Variants in RYR3 observed in about 807,000 individuals in gnomAD.
RYR3 encodes ryanodine receptor 3.
A neutral mutation model predicts 584.3 loss-of-function variants in RYR3; 207 were observed. That is an observed-to-expected ratio of 0.35 (90% confidence interval 0.32 to 0.40). RYR3 has a LOEUF of 0.40. Among genes scored for constraint, RYR3 ranks in the 10% least tolerant of loss-of-function variants. The pLI, the probability that RYR3 is intolerant of heterozygous loss-of-function variation, is 1.00. For synonymous variants in RYR3, 2,416 were observed against 2,248.5 expected (o/e 1.07, Z -2.11); for missense variants, 5,616 against 6,089.2 (o/e 0.92, Z 2.59).
intron 27 of RYR3, among the ~76,000 whole-genome samples, chr15:33,638,377 A>C (rs569974256): frequency 6.6e-6 from 1 of 152,312 alleles, no homozygotes; most frequent in African/African-American, 2.4e-5. Flanking sequence ...CACATCTCCA[A>C]AGAAAGTCAT....
At chr15:33,815,754 G>C (rs931752660) in intron 74 of RYR3, 1 of 396,422 alleles carries the variant, frequency 2.5e-6, no homozygotes, top group East Asian at 3.6e-5. Flanking sequence ...CCAAACTAAA[G>C]GGCTAAAGGG....
At chr15:33,735,875 C>T (rs916572948) in intron 48 of RYR3, among the ~76,000 whole-genome samples, 25 of 152,232 alleles carry the variant, frequency 1.6e-4, no homozygotes, top group African/African-American at 5.8e-4. Context: ...CAGTTTCTCC[C>T]TCTGCAGAGT....
intron 38 of RYR3, among the ~76,000 whole-genome samples, chr15:33,687,370 C>G (rs1346239016): frequency 6.6e-6 from 1 of 152,174 alleles, no homozygotes; most frequent in Non-Finnish European, 1.5e-5. Context: ...TGTGAAGGAC[C>G]TCTTCAAGGA....
chr15:33,351,197 A>G (rs1242682083), intron 1 of RYR3, among the ~76,000 whole-genome samples: 2 of 152,230 alleles, frequency 1.3e-5, no homozygotes, highest in Non-Finnish European at 2.9e-5. Flanking sequence ...ACACTCTCCC[A>G]AGACTAAACC....
intron 1 of RYR3, among the ~76,000 whole-genome samples, chr15:33,345,633 T>G (rs1215136004): frequency 1.3e-5 from 2 of 152,154 alleles, no homozygotes; most frequent in Non-Finnish European, 2.9e-5. Context: ...AGTACAGACT[T>G]TGTATTCTGG....
chr15:33,785,583 G>A, intron 65 of RYR3, 79 bp from the exon 66 acceptor site: 1 of 1,176,904 alleles, frequency 8.5e-7, no homozygotes, highest in Non-Finnish European at 1.2e-6. Flanking sequence ...AAGACCAAAG[G>A]AAAGGAGGGG....
chr15:33,530,710 A>G, intron 4 of RYR3, 44 bp downstream of exon 4: 2 of 1,417,122 alleles, frequency 1.4e-6, no homozygotes, highest in Non-Finnish European at 2.0e-6. Context: ...AGGAGAAGGA[A>G]AAACTGAAGA....
At chr15:33,370,278 A>G (rs1307519178) in intron 1 of RYR3, among the ~76,000 whole-genome samples, 1 of 152,046 alleles carries the variant, frequency 6.6e-6, no homozygotes, top group African/African-American at 2.4e-5. Flanking sequence ...TCCTCTACAC[A>G]CTCTGACACG....
At chr15:33,682,980 C>T (rs1368727090) in intron 38 of RYR3, among the ~76,000 whole-genome samples, 3 of 145,870 alleles carry the variant, frequency 2.1e-5, no homozygotes, top group Non-Finnish European at 4.5e-5. Flanking sequence ...GATGGCTGTC[C>T]CACTTTGAGA....
At position 33,662,235 on chromosome 15, in the gene RYR3, T is replaced by A; in HGVS notation, c.4705T>A (p.Cys1569Ser). 6.2e-7 allele frequency: 1 copy of A among 1,609,386 alleles called. No individual in the cohort carries two copies. Among genetic ancestry groups the A allele is most frequent in the Non-Finnish European group, 8.5e-7 (1 of 1,178,140 alleles). ...CACGCTGAGGCTCTACAGCGCGGTG[T>A]GCGCCCTGGGAAACAGCCGCGTGGC... ...YHTLRLYSAVCALGNSRVAYA... is the reference protein window; with the variant it reads ...YHTLRLYSAVSALGNSRVAYA... Residue 1569 changes from cysteine to serine, a missense_variant, in exon 35 of 104, where the codon TGC becomes AGC. By Grantham distance (112) the Cys-to-Ser change is moderately radical. Around this residue, in one of 9 missense-constraint regions of RYR3, gnomAD observed 753 missense variants for 741.0 expected, o/e 1.02. Transcript: ENST00000634891.
At position 33,865,235 on chromosome 15, in the gene RYR3, C is replaced by CAATCAAAG. The variant is rs1567374835; in HGVS notation, c.*11_*12insTCAAAGAA. 6 of 1,600,554 alleles carry CAATCAAAG rather than the reference C, an allele frequency of 3.7e-6. No homozygotes were observed. The South Asian group carries it at 6.6e-5, about 18-fold the overall frequency. On this transcript the variant is annotated 3_prime_UTR_variant, in exon 104 of 104. Coordinates refer to ENST00000634891, the MANE Select transcript of RYR3 (RefSeq NM_001036.6). ...AAGATCAGCTTGGATAAATCTGAAT[C>CAATCAAAG]AAAGAAGCGCGACAATTCTGGACAG... is the stretch of plus-strand genomic sequence containing the variant.
At chr15:33,324,763 A>C (rs917301831) in intron 1 of RYR3, among the ~76,000 whole-genome samples, 2 of 151,990 alleles carry the variant, frequency 1.3e-5, no homozygotes, top group Non-Finnish European at 2.9e-5. Flanking sequence ...ACCTCACTCA[A>C]CTCTCTGCTA....
intron 1 of RYR3, among the ~76,000 whole-genome samples, chr15:33,361,551 TAA>T (rs1399609932): frequency 1.3e-5 from 2 of 151,984 alleles, no homozygotes; most frequent in Admixed American, 6.6e-5. Flanking sequence ...CAGAATAAGG[TAA>T]AAGAGACTGC....
intron 38 of RYR3, among the ~76,000 whole-genome samples, chr15:33,695,815 T>C (rs571605308): frequency 2.0e-5 from 3 of 151,884 alleles, no homozygotes; most frequent in Admixed American, 6.6e-5. Flanking sequence ...AGACAGAGTC[T>C]CACTCTGTTG....
At chr15:33,380,073 A>C (rs1309993078) in intron 1 of RYR3, among the ~76,000 whole-genome samples, 3 of 152,148 alleles carry the variant, frequency 2.0e-5, no homozygotes. Flanking sequence ...GCCCACCCAC[A>C]TTGAGAGTGG....
At chr15:33,320,307 A>C (rs1968787327) in intron 1 of RYR3, among the ~76,000 whole-genome samples, 1 of 152,248 alleles carries the variant, frequency 6.6e-6, no homozygotes, top group African/African-American at 2.4e-5. Context: ...GATAGGCTTT[A>C]TCATCAAAAT....
chr15:33,829,402 G>T (rs961646551), intron 85 of RYR3, among the ~76,000 whole-genome samples: 13 of 152,116 alleles, frequency 8.5e-5, no homozygotes, highest in Admixed American at 4.6e-4. Flanking sequence ...ATGGATCTGG[G>T]CACGGTAAGT....
rs1169156894 is a variant in RYR3, at chr15:33,746,255, C to T, written c.7989+98C>T. ...TCAGAGCACATTCACTCTCACGTCC[C>T]TACAACATCATCATCTAGGACTCAG... On this transcript the variant is annotated intron_variant, in intron 53 of 103. Coordinates refer to ENST00000634891, the MANE Select transcript of RYR3 (RefSeq NM_001036.6). 3.6e-6 allele frequency: 3 copies of T among 836,616 alleles called. No individual in the cohort carries two copies. The African/African-American group carries it at 5.1e-5, about 14-fold the overall frequency. The allele number at this position is 836,616 out of a possible 1,614,324, so 51.8% of individuals were successfully genotyped here.
intron 2 of RYR3, among the ~76,000 whole-genome samples, chr15:33,499,937 A>G (rs910623198): frequency 6.6e-6 from 1 of 152,222 alleles, no homozygotes; most frequent in Non-Finnish European, 1.5e-5. Context: ...GCTCGTGACC[A>G]CGGGGAGAAG....
Sources: gnomAD v4.1 joint callset for allele counts (sites outside exome capture counted in the v4.1 genomes callset) on GRCh38, gnomAD v4.1.1 for gene constraint, gnomAD v4.1.1 regional missense constraint, MANE v1.5 for transcripts, NCBI Gene and HGNC (gene_info 2026-07-23, HGNC 2026-07-21) for gene names.